Variants in MAGI2 observed in about 807,000 individuals in gnomAD.
The protein encoded by MAGI2 is membrane associated guanylate kinase, WW and PDZ domain containing 2, also known as membrane-associated guanylate kinase, WW and PDZ domain-containing protein 2.
Under a neutral mutation model 133.3 loss-of-function variants are expected in MAGI2, and 35 were observed. The observed-to-expected ratio is 0.26, with a 90% CI of 0.20 to 0.35. MAGI2 has a LOEUF of 0.35. Among genes scored for constraint, MAGI2 ranks in the 10% least tolerant of loss-of-function variants. MAGI2 has a pLI of 1.00. For synonymous variants in MAGI2, 729 were observed against 710.6 expected, an observed-to-expected ratio of 1.03 and a Z score of -0.41; for missense variants, 1,636 against 1,863.4, an observed-to-expected ratio of 0.88 and a Z score of 2.25.
intron 1 of MAGI2, among the ~76,000 whole-genome samples, chr7:79,295,881 T>C (rs1836892061): frequency 6.6e-6 from 1 of 152,194 alleles, no homozygotes; most frequent in African/African-American, 2.4e-5. Flanking sequence ...TTGTGACAAA[T>C]TATGTCTTAT....
chr7:78,195,499 A>C (rs1403080201), intron 11 of MAGI2, among the ~76,000 whole-genome samples: 1 of 152,238 alleles, frequency 6.6e-6, no homozygotes, highest in African/African-American at 2.4e-5. Context: ...AGTCGTCTGC[A>C]TATACTCATT....
chr7:78,307,789 C>CTTATGATTAAAATT (rs1292703585), intron 9 of MAGI2, among the ~76,000 whole-genome samples: 1 of 152,098 alleles, frequency 6.6e-6, no homozygotes, highest in East Asian at 1.9e-4. Context: ...ATTTTCTCTA[C>CTTATGATTAAAATT]TTCTATATAT....
intron 2 of MAGI2, among the ~76,000 whole-genome samples, chr7:78,815,011 A>T (rs1789436632): frequency 6.6e-6 from 1 of 152,136 alleles, no homozygotes; most frequent in Admixed American, 6.6e-5. Flanking sequence ...TACAGGTGAG[A>T]GCCACCACAC....
chr7:79,311,054 C>A (rs1337871802), intron 1 of MAGI2, among the ~76,000 whole-genome samples: 1 of 152,078 alleles, frequency 6.6e-6, no homozygotes, highest in African/African-American at 2.4e-5. Flanking sequence ...TGTTTCTGAT[C>A]ACTATTTTCA....
intron 1 of MAGI2, among the ~76,000 whole-genome samples, chr7:79,021,191 G>A (rs965489843): frequency 1.3e-5 from 2 of 152,226 alleles, no homozygotes; most frequent in Non-Finnish European, 2.9e-5. Flanking sequence ...CATGGGTGGA[G>A]CCTTCATGAA....
At chr7:79,326,553 G>A (rs1162159713) in intron 1 of MAGI2, among the ~76,000 whole-genome samples, 1 of 152,016 alleles carries the variant, frequency 6.6e-6, no homozygotes, top group Non-Finnish European at 1.5e-5. Context: ...CCTATGAAAG[G>A]TATACTCCCA....
chr7:78,354,993 G>A (rs780669535), intron 7 of MAGI2, among the ~76,000 whole-genome samples: 3 of 152,156 alleles, frequency 2.0e-5, no homozygotes, highest in Non-Finnish European at 4.4e-5. Context: ...CAAGAACAGA[G>A]AAAGGTGGCA....
At chr7:78,194,538 C>G (rs1828539228) in intron 12 of MAGI2, among the ~76,000 whole-genome samples, 1 of 151,930 alleles carries the variant, frequency 6.6e-6, no homozygotes, top group African/African-American at 2.4e-5. Flanking sequence ...TCAGATTAAA[C>G]AGATTAAAAA....
At chr7:78,647,259 G>A (rs1020101326) in intron 2 of MAGI2, among the ~76,000 whole-genome samples, 1 of 151,904 alleles carries the variant, frequency 6.6e-6, no homozygotes, top group African/African-American at 2.4e-5. Flanking sequence ...TCTGACAAAG[G>A]GCTAATATCC....
At chr7:79,088,130 G>A (rs1242354284) in intron 1 of MAGI2, among the ~76,000 whole-genome samples, 1 of 152,068 alleles carries the variant, frequency 6.6e-6, no homozygotes, top group Non-Finnish European at 1.5e-5. Flanking sequence ...CATGAGCATG[G>A]AATGTTTTTC....
At chr7:79,052,804 G>T (rs2117002781) in intron 1 of MAGI2, among the ~76,000 whole-genome samples, 1 of 152,144 alleles carries the variant, frequency 6.6e-6, no homozygotes, top group African/African-American at 2.4e-5. Context: ...TGAAAATATA[G>T]CACATGATTA....
intron 2 of MAGI2, among the ~76,000 whole-genome samples, chr7:78,767,212 A>G (rs932096258): frequency 6.6e-6 from 1 of 152,082 alleles, no homozygotes; most frequent in Non-Finnish European, 1.5e-5. Context: ...GCTGGTTTCG[A>G]ATTCCTAACC....
intron 9 of MAGI2, among the ~76,000 whole-genome samples, chr7:78,261,129 T>A (rs1339112547): frequency 6.6e-6 from 1 of 152,094 alleles, no homozygotes; most frequent in Non-Finnish European, 1.5e-5. Context: ...CCTAGTCAAT[T>A]CTCATCTTAC....
At chr7:79,050,918 T>G (rs145785336) in intron 1 of MAGI2, among the ~76,000 whole-genome samples, 1 of 152,198 alleles carries the variant, frequency 6.6e-6, no homozygotes, top group Non-Finnish European at 1.5e-5. Context: ...TGTTATTCTA[T>G]TGAATATAAT....
At position 78,127,361 on chromosome 7, in the gene MAGI2, G is replaced by T; in HGVS notation, c.3259C>A (p.Pro1087Thr). The T allele has an allele frequency of 6.2e-7, 1 of 1,608,990 alleles. No homozygotes were observed. The highest frequency in any genetic ancestry group is 1.1e-5 in the South Asian group (1 of 91,064). The change falls in exon 19 of 22, where the codon CCA becomes ACA. Residue 1087 changes from proline to threonine, a missense_variant. Around this residue, in one of 5 missense-constraint regions of MAGI2, gnomAD observed 920 missense variants for 1,093.5 expected, o/e 0.84. Transcript: ENST00000354212. ...GGGGGCTGCCTGTAGTCTGTGAATG[G>T]AGGCTGTCGGATGTCTGGTTTCACA... is the stretch of plus-strand genomic sequence containing the variant. Reference protein sequence around the residue: ...QDVKPDIRQPPFTDYRQPPLD... With the variant: ...QDVKPDIRQPTFTDYRQPPLD...
chr7:79,373,212 G>A (rs781300546), intron 1 of MAGI2, among the ~76,000 whole-genome samples: 8 of 151,782 alleles, frequency 5.3e-5, no homozygotes, highest in Non-Finnish European at 1.0e-4. Flanking sequence ...TATTACCAGG[G>A]TAATAACTCA....
At chr7:78,553,094 T>TAAAAAA (rs754149011) in intron 3 of MAGI2, among the ~76,000 whole-genome samples, 2 of 133,176 alleles carry the variant, frequency 1.5e-5, no homozygotes, top group Non-Finnish European at 1.6e-5. Flanking sequence ...AACTTTAAAT[T>TAAAAAA]AAAAAAAAAA....
intron 10 of MAGI2, chr7:78,254,039 T>C (rs1388482511): frequency 6.6e-6 from 1 of 152,208 alleles, no homozygotes; most frequent in Non-Finnish European, 1.5e-5. Context: ...GCATTCTGCA[T>C]TTTGCTATGC....
At chr7:79,172,785 C>T (rs1825740140) in intron 1 of MAGI2, 1 of 151,990 alleles carries the variant, frequency 6.6e-6, no homozygotes, top group Non-Finnish European at 1.5e-5. Context: ...TCTGGTAGTT[C>T]ACCTATTTCC....
Sources: allele counts gnomAD v4.1 joint callset (sites outside exome capture counted in the v4.1 genomes callset), GRCh38; gene constraint gnomAD v4.1.1; regional missense constraint gnomAD v4.1.1; transcripts MANE v1.5; gene names NCBI Gene and HGNC (gene_info 2026-07-23, HGNC 2026-07-21).